Variants in TTC14 observed in about 807,000 individuals in gnomAD.
TTC14 encodes tetratricopeptide repeat protein 14.
Under a neutral mutation model 79.9 loss-of-function variants are expected in TTC14, and 63 were observed. The observed-to-expected ratio is 0.79, with a 90% CI of 0.64 to 0.97. The LOEUF (loss-of-function observed/expected upper bound fraction) is 0.97. TTC14 is among the 50% of genes least tolerant of loss of function. The pLI is 0.00. For synonymous variants in TTC14, 335 were observed against 309.6 expected (o/e 1.08, Z -0.86); for missense variants, 895 against 894.0 (o/e 1.00, Z -0.01).
In TTC14 at chr3:180,617,554, C is replaced by CTG. The variant is rs1275772210; in HGVS notation, c.1950_1951dup (p.Asp651ValfsTer15). The CTG allele has an allele frequency of 1.7e-6, 1 of 599,470 alleles. No homozygotes were observed. The highest frequency in any genetic ancestry group is 2.9e-5 in the East Asian group (1 of 34,756). The allele number at this position is 599,470 out of a possible 1,614,324, so 37.1% of individuals were successfully genotyped here. A position where few individuals can be genotyped will look rare whatever the true frequency, so the allele number is the denominator to read the frequency against. ...GTGGAAGACAGTGGTATTGATGATC[C>CTG]TGACCACGGGTAGGCTTAGGTTTAT... is the stretch of plus-strand genomic sequence containing the variant. On this transcript the variant is annotated frameshift_variant, in exon 13 of 13. Coordinates refer to the TTC14 transcript ENST00000382584. LOFTEE classifies it high-confidence loss of function.
intron 5 of TTC14, 72 bp downstream of exon 5, chr3:180,604,679 A>G (rs924961414): frequency 6.6e-6 from 10 of 1,504,398 alleles, no homozygotes; most frequent in South Asian, 6.5e-5. Context: ...CCACATTTTT[A>G]TAACGGTTAA....
intron 11 of TTC14, 37 bp from the exon 12 acceptor site, chr3:180,609,593 T>C: frequency 1.4e-6 from 2 of 1,469,274 alleles, no homozygotes; most frequent in Non-Finnish European, 9.0e-7. Flanking sequence ...TTAGAAACAT[T>C]TTTGTATATA....
downstream of TTC14, among the ~76,000 whole-genome samples, chr3:180,613,004 A>G (rs1026723811): frequency 4.6e-4 from 70 of 152,230 alleles, no homozygotes; most frequent in African/African-American, 1.6e-3. Context: ...CACTAATTAG[A>G]GAAATGCAAA....
chr3:180,614,797 CAGTTTTTACACTTACCACTA>C (rs1717166479), downstream of TTC14: 4 of 738,634 alleles, frequency 5.4e-6, no homozygotes, highest in African/African-American at 3.7e-5. Context: ...TTAAAACTAT[CAGTTTTTACACTTACCACTA>C]AGTTTTTACA....
chr3:180,603,757 CT>C (rs1180536657), intron 3 of TTC14: 14 of 225,654 alleles, frequency 6.2e-5, no homozygotes, highest in Admixed American at 1.6e-4. Context: ...TATTAAGATA[CT>C]TTGCCCAAGA....
intron 12 of TTC14, chr3:180,616,981 T>C: frequency 8.2e-7 from 1 of 1,221,558 alleles, no homozygotes. Flanking sequence ...AGAAAAAATA[T>C]TAACATGTAT....
Position 180,608,789 on chromosome 3 carries a change from A to T in TTC14, c.1379A>T (p.Lys460Met). The T allele has an allele frequency of 6.5e-7, 1 of 1,549,660 alleles. No homozygotes were observed. The highest frequency in any genetic ancestry group is 1.2e-5 in the South Asian group (1 of 80,128). ...GAAACAAGTGCAGAAAAGTTGCGTA[A>T]GCTCTTAAAAGAAGAGAAGAGGTAA... ...KIETSAEKLR[K>M]LLKEEKRLKK... The change falls in exon 11 of 12, where the codon AAG becomes ATG. Residue 460 changes from lysine (K) to methionine (M), a missense_variant. Coordinates refer to ENST00000296015, the MANE Select transcript of TTC14 (RefSeq NM_133462.4).
Position 180,605,277 on chromosome 3 carries a change from T to C in TTC14, c.857+270T>C, listed in dbSNP as rs973680861. 8 of 258,152 alleles carry C rather than the reference T, an allele frequency of 3.1e-5. No individual in the cohort carries two copies. In the South Asian group the frequency reaches 8.5e-4, roughly 28 times the overall value. The allele number at this position is 258,152 out of a possible 1,614,324, so 16.0% of individuals were successfully genotyped here. On this transcript the variant is annotated intron_variant, in intron 6 of 11. Transcript: ENST00000296015. ...AAAGAAAAATACTGGGTTTTTTTGTTTTTTGTTTTTGTTTTTTGAGTCGGA... is the reference window on the plus strand; with the variant it reads ...AAAGAAAAATACTGGGTTTTTTTGTCTTTTGTTTTTGTTTTTTGAGTCGGA...
Position 180,603,166 on chromosome 3 carries a change from T to C in TTC14, c.329T>C (p.Ile110Thr). The C allele has an allele frequency of 6.2e-7, 1 of 1,614,088 alleles. No individual in the cohort carries two copies. The highest frequency in any genetic ancestry group is 8.5e-7 in the Non-Finnish European group (1 of 1,180,012). Residue 110 changes from isoleucine to threonine, a missense_variant, in exon 3 of 12, where the codon ATA (isoleucine) becomes ACA (threonine). Transcript: ENST00000296015. ...IMPPLEQFMEIPSMDRRELFF... is the reference protein window; with the variant it reads ...IMPPLEQFMETPSMDRRELFF... ...CCACCTTTAGAGCAATTCATGGAGA[T>C]ACCTAGTATGGATCGGAGAGAGCTG...
intron 1 of TTC14, 154 bp downstream of exon 1, chr3:180,602,576 G>T: frequency 9.4e-7 from 1 of 1,068,020 alleles, no homozygotes; most frequent in Non-Finnish European, 1.3e-6. Flanking sequence ...TGGACGGGGG[G>T]CGCTCCTGGG....
chr3:180,614,975 T>C, downstream of TTC14: 1 of 1,566,892 alleles, frequency 6.4e-7, no homozygotes, highest in Non-Finnish European at 8.7e-7. Context: ...TAGCACTAGA[T>C]GGCCTAGAAG....
chr3:180,616,240 C>A, intron 12 of TTC14: 2 of 1,554,268 alleles, frequency 1.3e-6, no homozygotes, highest in Non-Finnish European at 1.8e-6. Context: ...TAGTGTACAG[C>A]TGTGAGAGTT....
At chr3:180,616,226 C>T in intron 12 of TTC14, 1 of 1,465,398 alleles carries the variant, frequency 6.8e-7, no homozygotes, top group East Asian at 2.3e-5. Flanking sequence ...TGGCTGGAAT[C>T]ACTTAGTGTA....
Position 180,606,561 on chromosome 3 carries a change from C to T in TTC14, c.1130C>T (p.Ala377Val). ...GAAAACTGTCCAACTCACAGAAATGCAAGAAAATACCTCTGCCAGACACTT... is the reference window on the plus strand; with the variant it reads ...GAAAACTGTCCAACTCACAGAAATGTAAGAAAATACCTCTGCCAGACACTT... ...ALENCPTHRN[A>V]RKYLCQTLVE... Residue 377 changes from alanine (A) to valine (V), a missense_variant, in exon 9 of 12, where the codon GCA (alanine) becomes GTA (valine). Physicochemically the swap from Ala to Val is moderately conservative, Grantham distance 64. Coordinates refer to ENST00000296015, the MANE Select transcript of TTC14 (RefSeq NM_133462.4). 1 of 1,613,886 alleles carries T rather than the reference C, an allele frequency of 6.2e-7. No homozygotes were observed. The highest frequency in any genetic ancestry group is 1.1e-5 in the South Asian group (1 of 91,076).
chr3:180,603,100 ATT>A, intron 2 of TTC14, 22 bp from the exon 3 acceptor site: 2 of 1,610,350 alleles, frequency 1.2e-6, no homozygotes, highest in African/African-American at 1.3e-5. Context: ...ATCGTTAGTG[ATT>A]TTGTTAATTT....
chr3:180,609,662 C>T lies in TTC14; in HGVS notation c.1433C>T (p.Ser478Phe). ...LKKKRRKSTSSSSVSSADESV... is the reference protein window; with the variant it reads ...LKKKRRKSTSFSSVSSADESV... ...AAGAAAAGAAGAAAATCAACTTCTTCTTCAAGTGTTTCTTCTGCTGATGAA... is the reference window on the plus strand; with the variant it reads ...AAGAAAAGAAGAAAATCAACTTCTTTTTCAAGTGTTTCTTCTGCTGATGAA... Residue 478 changes from serine to phenylalanine, a missense_variant, in exon 12 of 12, where the codon TCT becomes TTT. Coordinates refer to ENST00000296015, the MANE Select transcript of TTC14 (RefSeq NM_133462.4). 6.3e-7 allele frequency: 1 copy of T among 1,578,608 alleles called. No homozygotes were observed. The highest frequency in any genetic ancestry group is 8.6e-7 in the Non-Finnish European group (1 of 1,168,280).
At chr3:180,604,445 A>T in intron 4 of TTC14, 33 bp from the exon 5 acceptor site, 1 of 1,573,384 alleles carries the variant, frequency 6.4e-7, no homozygotes, top group Non-Finnish European at 8.6e-7. Flanking sequence ...TTTTCTTACT[A>T]ATCAGCTTAG....
downstream of TTC14, chr3:180,614,006 C>T (rs1717121150): frequency 8.6e-6 from 3 of 349,114 alleles, no homozygotes; most frequent in Admixed American, 4.1e-5. Flanking sequence ...CATGTACATT[C>T]GTGAATTCTA....
chr3:180,609,270 G>GA, intron 11 of TTC14: 1 of 322,224 alleles, frequency 3.1e-6, no homozygotes, highest in Non-Finnish European at 4.4e-6. Context: ...CCCCTACCAA[G>GA]AATTATTTGG....
Sources: gnomAD v4.1 joint callset for allele counts (sites outside exome capture counted in the v4.1 genomes callset) on GRCh38, gnomAD v4.1.1 for gene constraint, MANE v1.5 for transcripts, NCBI Gene and HGNC (gene_info 2026-07-23, HGNC 2026-07-21) for gene names.